The following ZNF521 variants were observed in gnomAD, a reference collection of about 807,000 sequenced individuals.
ZNF521 encodes the protein zinc finger protein 521.
A neutral mutation model predicts 105.5 loss-of-function variants in ZNF521; 14 were observed. The observed-to-expected ratio is 0.13, with a 90% CI of 0.09 to 0.21. The LOEUF (loss-of-function observed/expected upper bound fraction) is 0.21. Ranked by LOEUF, ZNF521 falls within the 10% of genes least tolerant of loss-of-function variation. The pLI, the probability that ZNF521 is intolerant of heterozygous loss-of-function variation, is 1.00. For missense variants in ZNF521, 1,233 were observed against 1,629.7 expected, an observed-to-expected ratio of 0.76 and a Z score of 4.19; for synonymous variants, 635 against 606.0, an observed-to-expected ratio of 1.05 and a Z score of -0.70.
intron 7 of ZNF521, among the ~76,000 whole-genome samples, chr18:25,087,398 T>A (rs1330420516): frequency 6.6e-6 from 1 of 152,226 alleles, no homozygotes; most frequent in Non-Finnish European, 1.5e-5. Flanking sequence ...AGTGCTGAGT[T>A]CTTTTAATGA....
chr18:25,315,305 CT>C (rs1189101726), intron 3 of ZNF521, among the ~76,000 whole-genome samples: 1 of 152,074 alleles, frequency 6.6e-6, no homozygotes, highest in East Asian at 1.9e-4. Context: ...ACCTTTCCCC[CT>C]ATTCCTTCAA....
chr18:25,283,216 C>T (rs1364257385), intron 3 of ZNF521, among the ~76,000 whole-genome samples: 2 of 152,220 alleles, frequency 1.3e-5, no homozygotes, highest in African/African-American at 4.8e-5. Flanking sequence ...AGGCCCCTCA[C>T]TTTGAAAAGT....
At chr18:25,132,904 A>G (rs2034666374) in intron 5 of ZNF521, among the ~76,000 whole-genome samples, 1 of 152,174 alleles carries the variant, frequency 6.6e-6, no homozygotes, top group African/African-American at 2.4e-5. Flanking sequence ...CAGATGCCAA[A>G]CGGGAGCATA....
chr18:25,227,414 G>A lies in ZNF521; in HGVS notation c.504C>T (p.His168=). The A allele has an allele frequency of 6.2e-7, 1 of 1,614,152 alleles. No individual in the cohort carries two copies. The highest frequency in any genetic ancestry group is 8.5e-7 in the Non-Finnish European group (1 of 1,180,018). ...KRSRDRHIKL[H]TGDKKYHCSE... ...TGCAGTGGTACTTCTTGTCCCCGGT[G>A]TGGAGTTTTATGTGGCGATCTCGGC... The change falls in exon 4 of 8, where the codon CAC becomes CAT. Residue 168 remains histidine, a synonymous_variant. Coordinates refer to ENST00000361524, the MANE Select transcript of ZNF521 (RefSeq NM_015461.3). This position sits in a 1 kb window ranked among gnomAD's most constrained non-coding sequence, Gnocchi z 5.7.
intron 5 of ZNF521, among the ~76,000 whole-genome samples, chr18:25,186,722 G>T (rs2035728165): frequency 6.6e-6 from 1 of 151,974 alleles, no homozygotes; most frequent in Non-Finnish European, 1.5e-5. Flanking sequence ...CAGACCTTCA[G>T]CTCAATAACA....
chr18:25,235,222 G>A lies in ZNF521; in HGVS notation c.221-7525C>T, dbSNP rs182078575. Among the ~76,000 whole-genome samples, 65 of 152,294 alleles carry A rather than the reference G, an allele frequency of 4.3e-4. No homozygotes were observed. In the East Asian group the frequency reaches 0.012, roughly 29 times the overall value. On this transcript the variant is annotated intron_variant, in intron 3 of 7. Coordinates refer to ENST00000361524, the MANE Select transcript of ZNF521 (RefSeq NM_015461.3). ...TATTTGGCTTAGTTAGAAAGTCCTT[G>A]AGGCCAATTCTATTTCACTTCAAAA...
At chr18:25,177,975 T>TAAA (rs1302349307) in intron 5 of ZNF521, among the ~76,000 whole-genome samples, 1 of 152,182 alleles carries the variant, frequency 6.6e-6, no homozygotes, top group African/African-American at 2.4e-5. Flanking sequence ...ATACAAAATG[T>TAAA]AAAAAAGTAT....
intron 3 of ZNF521, among the ~76,000 whole-genome samples, chr18:25,262,407 C>T (rs991635708): frequency 2.0e-5 from 3 of 152,112 alleles, no homozygotes; most frequent in Non-Finnish European, 2.9e-5. Context: ...TGTTACACTA[C>T]TTGAAGACAA....
At position 25,195,250 on chromosome 18, in the gene ZNF521, A is replaced by G; in HGVS notation, c.3574-6T>C. The G allele has an allele frequency of 6.3e-7, 1 of 1,575,148 alleles. No individual in the cohort carries two copies. Among genetic ancestry groups the G allele is most frequent in the Non-Finnish European group, 8.6e-7 (1 of 1,162,206 alleles). ...ATGCATTGATAGGTCTTCTTCTGAG[A>G]AAACAAGTATAAACAGAGTTACTTA... On this transcript the variant is annotated splice_region_variant and splice_polypyrimidine_tract_variant and intron_variant, in intron 4 of 7. Coordinates refer to ENST00000361524, the MANE Select transcript of ZNF521 (RefSeq NM_015461.3).
intron 5 of ZNF521, among the ~76,000 whole-genome samples, chr18:25,175,247 G>T (rs2035517518): frequency 6.6e-6 from 1 of 152,216 alleles, no homozygotes; most frequent in Non-Finnish European, 1.5e-5. Context: ...CGTATAAGTG[G>T]TTAGACCTTT....
chr18:25,324,885 T>G (rs1377558804), intron 2 of ZNF521, among the ~76,000 whole-genome samples: 1 of 152,216 alleles, frequency 6.6e-6, no homozygotes, highest in Admixed American at 6.5e-5. Context: ...AGTCCATGCT[T>G]CCAACACTGT....
intron 3 of ZNF521, among the ~76,000 whole-genome samples, chr18:25,249,695 C>G (rs1241351251): frequency 6.6e-6 from 1 of 152,114 alleles, no homozygotes; most frequent in Non-Finnish European, 1.5e-5. Context: ...CTCCTGACCT[C>G]AAGTGATCTG....
At chr18:25,327,823 C>A in intron 2 of ZNF521, 1 of 368,500 alleles carries the variant, frequency 2.7e-6, no homozygotes. Context: ...TGCTGGTCTG[C>A]TGCCTCATTT....
At chr18:25,306,192 G>A (rs1911964161) in intron 3 of ZNF521, among the ~76,000 whole-genome samples, 1 of 152,096 alleles carries the variant, frequency 6.6e-6, no homozygotes, top group African/African-American at 2.4e-5. Flanking sequence ...TAGAAGATTG[G>A]TAAGAATTAA....
intron 3 of ZNF521, among the ~76,000 whole-genome samples, chr18:25,321,740 T>G (rs969336808): frequency 2.6e-5 from 4 of 152,196 alleles, no homozygotes; most frequent in African/African-American, 9.6e-5. Flanking sequence ...GTTCTGCTCC[T>G]AAATGGCATC....
intron 5 of ZNF521, among the ~76,000 whole-genome samples, chr18:25,104,183 T>C (rs2034026162): frequency 6.6e-6 from 1 of 152,134 alleles, no homozygotes; most frequent in Admixed American, 6.5e-5. Context: ...TTTATGACAA[T>C]TTTTCTATAA....
chr18:25,072,545 C>T (rs925328512), intron 7 of ZNF521, among the ~76,000 whole-genome samples: 1 of 151,790 alleles, frequency 6.6e-6, no homozygotes, highest in East Asian at 1.9e-4. Context: ...AAAAAGGTGC[C>T]GAAAGGGAAG....
intron 5 of ZNF521, among the ~76,000 whole-genome samples, chr18:25,120,129 G>A (rs1420205149): frequency 1.1e-4 from 17 of 152,154 alleles, no homozygotes; most frequent in Non-Finnish European, 2.2e-4. Context: ...ATTAAAAAAG[G>A]AAGGAAGAAA....
chr18:25,348,531 T>C (rs1459707384), intron 2 of ZNF521, among the ~76,000 whole-genome samples: 1 of 152,216 alleles, frequency 6.6e-6, no homozygotes, highest in Non-Finnish European at 1.5e-5. Flanking sequence ...CTTCAGCTTC[T>C]CATCCCCAAA....
Sources: gnomAD v4.1 joint callset for allele counts (sites outside exome capture counted in the v4.1 genomes callset) on GRCh38, gnomAD v4.1.1 for gene constraint, Gnocchi (gnomAD v3.1) non-coding constraint, MANE v1.5 for transcripts, NCBI Gene and HGNC (gene_info 2026-07-23, HGNC 2026-07-21) for gene names.